The following SLC35F1 variants were observed in gnomAD, a reference collection of about 807,000 sequenced individuals.
The protein encoded by SLC35F1 is solute carrier family 35 member F1.
SLC35F1 carries 14 observed loss-of-function variants against 48.7 expected under a neutral mutation model. The ratio of observed to expected loss-of-function variants is 0.29; its 90% CI spans 0.19 to 0.45. The LOEUF is 0.45. Ranked by LOEUF, SLC35F1 falls within the 20% of genes least tolerant of loss-of-function variation. SLC35F1 has a pLI of 1.00. For synonymous variants in SLC35F1, 190 were observed against 202.2 expected, an observed-to-expected ratio of 0.94 and a Z score of 0.51; for missense variants, 404 against 500.0, an observed-to-expected ratio of 0.81 and a Z score of 1.83.
chr6:117,992,143 G>A (rs561027381), intron 1 of SLC35F1, among the ~76,000 whole-genome samples: 1 of 151,248 alleles, frequency 6.6e-6, no homozygotes, highest in African/African-American at 2.4e-5. Context: ...TTTTTTTCTA[G>A]GTTTACAAAA....
chr6:118,314,055 T>G lies in SLC35F1; in HGVS notation c.1030T>G (p.Phe344Val). Residue 344 changes from phenylalanine (F) to valine (V), a missense_variant, in exon 8 of 8, where the codon TTC becomes GTC. By Grantham distance (50) the Phe-to-Val change is conservative. Coordinates refer to ENST00000360388, the MANE Select transcript of SLC35F1 (RefSeq NM_001029858.4). ...KFSGLYLLSF[F>V]TILIGLVLYS... ...TTCAGGACTTTATCTCCTGTCTTTC[T>G]TCACCATCCTCATTGGGCTGGTGCT... 6.2e-7 allele frequency: 1 copy of G among 1,614,202 alleles called. No homozygotes were observed. Among genetic ancestry groups the G allele is most frequent in the Non-Finnish European group, 8.5e-7 (1 of 1,180,030 alleles).
chr6:118,121,327 T>C (rs1039582376), intron 1 of SLC35F1, among the ~76,000 whole-genome samples: 1 of 152,214 alleles, frequency 6.6e-6, no homozygotes, highest in African/African-American at 2.4e-5. Context: ...GAAAACACGT[T>C]GTAATCTAGA....
chr6:118,161,859 T>A (rs1266553638), intron 2 of SLC35F1, among the ~76,000 whole-genome samples: 2 of 152,304 alleles, frequency 1.3e-5, no homozygotes, highest in African/African-American at 4.8e-5. Context: ...AAAATTAGAA[T>A]CCACTTCTAG....
rs564101161 is a variant in SLC35F1 at position 118,187,574 on chromosome 6, C to T, written c.349+32954C>T. On this transcript the variant is annotated intron_variant, in intron 2 of 7. Transcript: ENST00000360388. ...AATCAGTTTTCCCCTAGTTATCCAG[C>T]GCGTGGGTGGCTGGAGGGACTTCTC... 1.3e-3 allele frequency among the ~76,000 whole-genome samples: 197 copies of T among 152,204 alleles called. 1 individual carries two copies. The highest frequency in any genetic ancestry group is 4.6e-3 in the African/African-American group (193 of 41,522).
Position 117,907,512 on chromosome 6 carries a change from A to C in SLC35F1, c.-215A>C. ...CGGCGGCGGCGGCGGCACGGGCGCG[A>C]GGGTGCGCGCACTGGGACTGGAGAG... On this transcript the variant is annotated 5_prime_UTR_variant, in exon 1 of 8. Coordinates refer to ENST00000360388, the MANE Select transcript of SLC35F1 (RefSeq NM_001029858.4). The C allele has an allele frequency of 3.1e-5, 8 of 257,036 alleles. No individual in the cohort carries two copies. The highest frequency in any genetic ancestry group is 7.0e-5 in the East Asian group (1 of 14,332). The allele number at this position is 257,036 out of a possible 1,614,324, so 15.9% of individuals were successfully genotyped here.
intron 2 of SLC35F1, among the ~76,000 whole-genome samples, chr6:118,180,202 G>A (rs1774553497): frequency 6.6e-6 from 1 of 152,158 alleles, no homozygotes; most frequent in African/African-American, 2.4e-5. Context: ...AGTAGTCTCA[G>A]ATTGGTAGTT....
intron 3 of SLC35F1, among the ~76,000 whole-genome samples, chr6:118,256,682 G>A (rs1259229845): frequency 6.6e-6 from 1 of 152,118 alleles, no homozygotes; most frequent in Non-Finnish European, 1.5e-5. Context: ...CCTGACTCTT[G>A]TAGATTTTTG....
intron 1 of SLC35F1, among the ~76,000 whole-genome samples, chr6:118,100,302 G>A (rs556068699): frequency 6.6e-6 from 1 of 152,074 alleles, no homozygotes; most frequent in East Asian, 1.9e-4. Flanking sequence ...ATAGACCACT[G>A]AGAAAACTAC....
chr6:117,936,256 C>G (rs959657683), intron 1 of SLC35F1, among the ~76,000 whole-genome samples: 4 of 152,132 alleles, frequency 2.6e-5, no homozygotes, highest in African/African-American at 9.7e-5. Context: ...ACTGACAGTC[C>G]AAGTCCCTCC....
At chr6:118,004,205 A>G (rs928073496) in intron 1 of SLC35F1, among the ~76,000 whole-genome samples, 1 of 152,214 alleles carries the variant, frequency 6.6e-6, no homozygotes, top group African/African-American at 2.4e-5. Flanking sequence ...ATGATTGCAC[A>G]GGATGATTTA....
At chr6:118,280,737 G>T (rs1775972882) in intron 6 of SLC35F1, among the ~76,000 whole-genome samples, 1 of 151,948 alleles carries the variant, frequency 6.6e-6, no homozygotes, top group African/African-American at 2.4e-5. Flanking sequence ...AATTACCTGG[G>T]TGTGGTGGTG....
chr6:118,173,093 G>A (rs1774430984), intron 2 of SLC35F1, among the ~76,000 whole-genome samples: 1 of 152,022 alleles, frequency 6.6e-6, no homozygotes, highest in Admixed American at 6.6e-5. Flanking sequence ...GCATCCCATA[G>A]GTCATCTTAC....
intron 1 of SLC35F1, among the ~76,000 whole-genome samples, chr6:118,025,661 G>T (rs1777452384): frequency 6.6e-6 from 1 of 152,036 alleles, no homozygotes; most frequent in Non-Finnish European, 1.5e-5. Flanking sequence ...ATTTTGTGAG[G>T]ATAGATTCAT....
chr6:118,147,669 A>G (rs1017081917), intron 1 of SLC35F1, among the ~76,000 whole-genome samples: 5 of 152,080 alleles, frequency 3.3e-5, no homozygotes, highest in African/African-American at 1.2e-4. Context: ...TCAGTTTTCT[A>G]TGTTACTTCT....
At chr6:118,280,037 C>T (rs1172137051) in intron 6 of SLC35F1, among the ~76,000 whole-genome samples, 3 of 152,128 alleles carry the variant, frequency 2.0e-5, no homozygotes, top group Non-Finnish European at 2.9e-5. Context: ...CTTTTAAAAA[C>T]AGATTTTGTT....
chr6:118,307,866 T>C (rs1009125207), intron 7 of SLC35F1, among the ~76,000 whole-genome samples: 3 of 152,204 alleles, frequency 2.0e-5, no homozygotes, highest in Non-Finnish European at 4.4e-5. Context: ...CCTTTCGTCC[T>C]GCACCAAGCA....
chr6:118,076,425 C>T (rs531566309), intron 1 of SLC35F1, among the ~76,000 whole-genome samples: 1 of 152,230 alleles, frequency 6.6e-6, no homozygotes, highest in East Asian at 1.9e-4. Context: ...ACTCACGGTT[C>T]TACAGGCCGT....
intron 3 of SLC35F1, among the ~76,000 whole-genome samples, chr6:118,242,169 C>G (rs1321921672): frequency 6.6e-6 from 1 of 152,188 alleles, no homozygotes; most frequent in Non-Finnish European, 1.5e-5. Flanking sequence ...GCAGCTGTAC[C>G]ATTTTACATT....
intron 1 of SLC35F1, among the ~76,000 whole-genome samples, chr6:118,058,905 AT>A (rs1375933589): frequency 1.3e-5 from 2 of 152,196 alleles, no homozygotes; most frequent in African/African-American, 4.8e-5. Context: ...ATAACAAAAC[AT>A]TTCATTTTCT....
Sources: allele counts gnomAD v4.1 joint callset (sites outside exome capture counted in the v4.1 genomes callset), GRCh38; gene constraint gnomAD v4.1.1; transcripts MANE v1.5; gene names NCBI Gene and HGNC (gene_info 2026-07-23, HGNC 2026-07-21).